Variants in SYT9 observed in about 807,000 individuals in gnomAD.
The protein encoded by SYT9 is synaptotagmin-9.
In SYT9, 22 loss-of-function variants were observed where a neutral mutation model predicts 48.4. The observed-to-expected ratio is 0.45, with a 90% CI of 0.32 to 0.65. The LOEUF is 0.65. Among genes scored for constraint, SYT9 ranks in the 30% least tolerant of loss-of-function variants. The probability of loss-of-function intolerance (pLI) is 0.03; values close to 1 mark genes in which losing one functional copy is unlikely to be tolerated. For missense variants in SYT9, 577 were observed against 622.0 expected (o/e 0.93, Z 0.77); for synonymous variants, 265 against 245.0 (o/e 1.08, Z -0.76).
In SYT9 at chr11:7,423,337, G is replaced by C. The variant is rs111434637; in HGVS notation, c.1467+2702G>C. Among the ~76,000 whole-genome samples, 365 of 152,314 alleles carry C rather than the reference G, an allele frequency of 2.4e-3. 1 individual carries two copies. The highest frequency in any genetic ancestry group is 8.3e-3 in the East Asian group (43 of 5,178). On this transcript the variant is annotated intron_variant, in intron 6 of 6. Transcript: ENST00000318881. The stretch of plus-strand genomic sequence containing the variant: ...AGATGAGATGAAAAACAGTATTGGA[G>C]AGGTTGGCCATGCTTCGTTAGCAGC...
At chr11:7,257,477 A>G (rs1039257634) in intron 1 of SYT9, among the ~76,000 whole-genome samples, 2 of 152,204 alleles carry the variant, frequency 1.3e-5, no homozygotes, top group African/African-American at 2.4e-5. Context: ...ATGTTAAATT[A>G]TAATGAAGTC....
At chr11:7,449,788 T>C (rs1489037582) in intron 6 of SYT9, among the ~76,000 whole-genome samples, 1 of 152,102 alleles carries the variant, frequency 6.6e-6, no homozygotes, top group Non-Finnish European at 1.5e-5. Flanking sequence ...CTAGAGTTGT[T>C]TGAGAGAGGG....
At chr11:7,245,137 A>G (rs1442348804) in intron 1 of SYT9, among the ~76,000 whole-genome samples, 1 of 152,202 alleles carries the variant, frequency 6.6e-6, no homozygotes. Flanking sequence ...GAGCCAGACA[A>G]ATTTGAATTT....
At chr11:7,389,141 A>T (rs1461136684) in intron 3 of SYT9, among the ~76,000 whole-genome samples, 2 of 152,174 alleles carry the variant, frequency 1.3e-5, no homozygotes, top group Non-Finnish European at 2.9e-5. Flanking sequence ...ATTCTGCCTA[A>T]GAGTTCTTTA....
chr11:7,268,862 G>A (rs530788435), intron 1 of SYT9, among the ~76,000 whole-genome samples: 5 of 152,124 alleles, frequency 3.3e-5, no homozygotes, highest in South Asian at 2.1e-4. Context: ...AACATTCCAG[G>A]AAGTTTCCTC....
chr11:7,398,828 A>G (rs182429624), intron 3 of SYT9, among the ~76,000 whole-genome samples: 95 of 152,230 alleles, frequency 6.2e-4, no homozygotes, highest in African/African-American at 2.3e-3. Context: ...TACAGCACAC[A>G]ATTTTCAGCC....
At chr11:7,245,922 G>T (rs7105195) in intron 1 of SYT9, among the ~76,000 whole-genome samples, 1 of 151,620 alleles carries the variant, frequency 6.6e-6, no homozygotes, top group Non-Finnish European at 1.5e-5. Flanking sequence ...GAGTGAATCC[G>T]AGGAACCAGC....
At position 7,463,366 on chromosome 11, in the gene SYT9, G is replaced by T. The variant is rs572391636; in HGVS notation, c.1468-3426G>T. On this transcript the variant is annotated intron_variant, in intron 6 of 6. Transcript: ENST00000318881. ...AAAAATCTTTCTTTTCTCACATTTT[G>T]TTTTATACAATTTTTGGCTGAAAAA... Among the ~76,000 whole-genome samples, 3 of 152,238 alleles carry T rather than the reference G, an allele frequency of 2.0e-5. No homozygotes were observed. In the South Asian group the frequency reaches 6.2e-4, roughly 32 times the overall value.
chr11:7,416,270 T>G (rs577762085), intron 4 of SYT9, 108 bp downstream of exon 4: 2 of 1,374,718 alleles, frequency 1.5e-6, no homozygotes, highest in Admixed American at 1.8e-5. Context: ...CCAGACTGCC[T>G]AGGCTTAGCC....
At chr11:7,265,225 A>C (rs1848155848) in intron 1 of SYT9, among the ~76,000 whole-genome samples, 1 of 152,148 alleles carries the variant, frequency 6.6e-6, no homozygotes, top group African/African-American at 2.4e-5. Context: ...GAAAATAATG[A>C]GATTGATTTT....
intron 3 of SYT9, among the ~76,000 whole-genome samples, chr11:7,372,683 ACTTATT>A (rs753875015): frequency 2.6e-5 from 4 of 152,078 alleles, no homozygotes; most frequent in Admixed American, 6.5e-5. Flanking sequence ...ATTTTTATAT[ACTTATT>A]CTTAGCCACT....
intron 3 of SYT9, among the ~76,000 whole-genome samples, chr11:7,343,890 CAG>C (rs1417369105): frequency 6.6e-6 from 1 of 152,144 alleles, no homozygotes; most frequent in African/African-American, 2.4e-5. Flanking sequence ...GCAGGCAAGA[CAG>C]AATGAGAGCC....
chr11:7,324,102 G>T (rs1402338607), intron 3 of SYT9, among the ~76,000 whole-genome samples: 2 of 151,878 alleles, frequency 1.3e-5, no homozygotes, highest in Non-Finnish European at 2.9e-5. Context: ...CAATTTATTT[G>T]ATGATTATAA....
At chr11:7,323,653 A>C (rs769251580) in intron 3 of SYT9, among the ~76,000 whole-genome samples, 5 of 152,024 alleles carry the variant, frequency 3.3e-5, no homozygotes, top group Non-Finnish European at 5.9e-5. Context: ...TATTGAGAGA[A>C]TCATGTGTTT....
At chr11:7,243,933 T>C (rs527980805) in intron 1 of SYT9, among the ~76,000 whole-genome samples, 8 of 145,768 alleles carry the variant, frequency 5.5e-5, no homozygotes, top group Non-Finnish European at 9.1e-5. Context: ...GCTCTAGGGA[T>C]GCAGAAAGCA....
chr11:7,447,397 G>A (rs560963521), intron 6 of SYT9, among the ~76,000 whole-genome samples: 7 of 152,228 alleles, frequency 4.6e-5, no homozygotes, highest in South Asian at 2.1e-4. Context: ...TTTATGCCCC[G>A]GCCCCAGCAC....
intron 1 of SYT9, among the ~76,000 whole-genome samples, chr11:7,267,981 G>T (rs565623428): frequency 6.6e-6 from 1 of 152,124 alleles, no homozygotes; most frequent in South Asian, 2.1e-4. Flanking sequence ...TACAAATTGA[G>T]TGGAAGTCAT....
At chr11:7,326,483 GCC>G (rs1849437792) in intron 3 of SYT9, among the ~76,000 whole-genome samples, 1 of 143,954 alleles carries the variant, frequency 6.9e-6, no homozygotes, top group Admixed American at 7.1e-5. Context: ...TTTTTATTGT[GCC>G]TATTTGATTC....
chr11:7,376,934 G>A (rs1375127021), intron 3 of SYT9, among the ~76,000 whole-genome samples: 3 of 151,420 alleles, frequency 2.0e-5, no homozygotes, highest in South Asian at 2.1e-4. Flanking sequence ...GCAGCCCAAA[G>A]CCATTCCATT....
Sources: allele counts gnomAD v4.1 joint callset (sites outside exome capture counted in the v4.1 genomes callset), GRCh38; gene constraint gnomAD v4.1.1; transcripts MANE v1.5; gene names NCBI Gene and HGNC (gene_info 2026-07-23, HGNC 2026-07-21).